The following AGK variants were observed in gnomAD, a reference collection of about 807,000 sequenced individuals.
AGK encodes the protein acylglycerol kinase, also known as acylglycerol kinase, mitochondrial.
In AGK, 52 loss-of-function variants were observed where a neutral mutation model predicts 66.4. The observed-to-expected ratio is 0.78, with a 90% CI of 0.63 to 0.99. The LOEUF is 0.99. Ranked by LOEUF, AGK falls within the 50% of genes least tolerant of loss-of-function variation. The pLI, the probability that AGK is intolerant of heterozygous loss-of-function variation, is 0.00. For synonymous variants in AGK, 182 were observed against 181.1 expected, an observed-to-expected ratio of 1.00 and a Z score of -0.04; for missense variants, 451 against 506.6, an observed-to-expected ratio of 0.89 and a Z score of 1.05.
intron 2 of AGK, among the ~76,000 whole-genome samples, chr7:141,574,785 A>G (rs1371986869): frequency 6.6e-6 from 1 of 152,236 alleles, no homozygotes; most frequent in Non-Finnish European, 1.5e-5. Flanking sequence ...CTGAGTGCAT[A>G]GAAGTGTAGA....
chr7:141,597,735 G>A (rs146503156), intron 4 of AGK, among the ~76,000 whole-genome samples: 234 of 151,310 alleles, frequency 1.5e-3, no homozygotes, highest in African/African-American at 5.5e-3. Context: ...CTGAAAAAAT[G>A]CAAAAATTAG....
intron 2 of AGK, among the ~76,000 whole-genome samples, chr7:141,564,033 T>C (rs1467665436): frequency 6.6e-6 from 1 of 152,176 alleles, no homozygotes; most frequent in African/African-American, 2.4e-5. Context: ...TGATCATAAC[T>C]CACTGCAGCC....
At chr7:141,632,239 A>G (rs964179271) in intron 9 of AGK, among the ~76,000 whole-genome samples, 1 of 150,926 alleles carries the variant, frequency 6.6e-6, no homozygotes, top group African/African-American at 2.4e-5. Context: ...CTAAAAAAAA[A>G]AAAAACAAAA....
rs201136028 is a variant in AGK at position 141,607,880 on chromosome 7, A to AT, written c.298-3307dup. Among the ~76,000 whole-genome samples the AT allele has an allele frequency of 9.8e-3, 1,481 of 151,494 alleles. 21 individuals are homozygous for AT. Among genetic ancestry groups the AT allele is most frequent in the African/African-American group, 0.035 (1,426 of 41,278 alleles). On this transcript the variant is annotated intron_variant, in intron 5 of 15. Coordinates refer to ENST00000649286, the MANE Select transcript of AGK (RefSeq NM_018238.4). ...TCCTTCCTCTTTTAGTGCATTTGGG[A>AT]TTTTTTTTCTAAGATCAGAGCCTCA... is the stretch of plus-strand genomic sequence containing the variant.
At chr7:141,559,115 G>A (rs1795281130) in intron 2 of AGK, among the ~76,000 whole-genome samples, 1 of 151,938 alleles carries the variant, frequency 6.6e-6, no homozygotes, top group Non-Finnish European at 1.5e-5. Flanking sequence ...ATTGTTTTTA[G>A]TTTCGTTAAG....
chr7:141,646,256 A>G (rs980053904), intron 13 of AGK, among the ~76,000 whole-genome samples: 1 of 152,178 alleles, frequency 6.6e-6, no homozygotes, highest in Admixed American at 6.5e-5. Context: ...TGACAGGTGC[A>G]TGCATGTGAG....
At position 141,611,055 on chromosome 7, in the gene AGK, T is replaced by A. The variant is rs1399150850; in HGVS notation, c.298-140T>A. 6 of 537,436 alleles carry A rather than the reference T, an allele frequency of 1.1e-5. No individual in the cohort carries two copies. In the African/African-American group the frequency reaches 1.2e-4, roughly 10 times the overall value. 33.3% of individuals were successfully genotyped at this position (537,436 alleles called of 1,614,324 possible). A position where few individuals can be genotyped will look rare whatever the true frequency, so the allele number is the denominator to read the frequency against. On this transcript the variant is annotated intron_variant, in intron 5 of 15. Transcript: ENST00000649286. ...CTATACATAATTGCTTTGATAGCTA[T>A]TTTTTTCATGTCTATCAGTTATGTA...
Position 141,648,858 on chromosome 7 carries a change from G to A in AGK, c.976-405G>A, listed in dbSNP as rs1021012341. Among the ~76,000 whole-genome samples the A allele has an allele frequency of 5.3e-5, 8 of 152,180 alleles. No homozygotes were observed. The South Asian group carries it at 6.2e-4, about 12-fold the overall frequency. On this transcript the variant is annotated intron_variant, in intron 13 of 15. Coordinates refer to ENST00000649286, the MANE Select transcript of AGK (RefSeq NM_018238.4). The stretch of plus-strand genomic sequence containing the variant: ...CTTGGGCTCTCCACACCAAGCAGCC[G>A]ATTCCATGCTGTCATGTGAAGCTCA...
chr7:141,644,585 A>G lies in AGK; in HGVS notation c.975+2677A>G, dbSNP rs540754458. Among the ~76,000 whole-genome samples, 3 of 152,316 alleles carry G rather than the reference A, an allele frequency of 2.0e-5. No homozygotes were observed. In the South Asian group the frequency reaches 6.2e-4, roughly 32 times the overall value. On this transcript the variant is annotated intron_variant, in intron 13 of 15. Transcript: ENST00000649286. Reference sequence around the variant, plus strand: ...CAACTATGCTCACTGTATAATAGTAAAATATTTGCAATGAACTAATCAGAC... The same window carrying G: ...CAACTATGCTCACTGTATAATAGTAGAATATTTGCAATGAACTAATCAGAC...
intron 9 of AGK, among the ~76,000 whole-genome samples, chr7:141,623,382 AAAAAAAAAAAG>A (rs1344197163): frequency 1.2e-4 from 18 of 150,296 alleles, no homozygotes; most frequent in African/African-American, 2.4e-4. Context: ...TTTTTCTCAA[AAAAAAAAAAAG>A]AAAAAAAAAA....
intron 14 of AGK, 149 bp downstream of exon 14, chr7:141,649,482 A>G: frequency 1.6e-6 from 1 of 635,698 alleles, no homozygotes; most frequent in South Asian, 2.0e-5. Context: ...ATGGGCTGAC[A>G]TGTAGAGTGC....
rs80156334 is a variant in AGK at position 141,590,930 on chromosome 7, G to T, written c.102-2216G>T. On this transcript the variant is annotated intron_variant, in intron 2 of 15. Transcript: ENST00000649286. ...CAACGCTCTTTGCCACCTGGGCACA[G>T]GGGAGCAGAGTCACTTAAGCCAATG... 1.2e-4 allele frequency among the ~76,000 whole-genome samples: 19 copies of T among 152,246 alleles called. No individual in the cohort carries two copies. The East Asian group carries it at 2.9e-3, about 23-fold the overall frequency.
intron 2 of AGK, among the ~76,000 whole-genome samples, chr7:141,578,419 A>G (rs1032986518): frequency 3.3e-5 from 5 of 152,054 alleles, no homozygotes; most frequent in African/African-American, 1.2e-4. Context: ...CCATCTGGAC[A>G]TATGTGTGCA....
chr7:141,611,926 G>C (rs1317899489), intron 6 of AGK, among the ~76,000 whole-genome samples: 1 of 152,098 alleles, frequency 6.6e-6, no homozygotes, highest in African/African-American at 2.4e-5. Context: ...GGAACAGCTG[G>C]GTGTTTTCTT....
At chr7:141,617,295 C>A (rs1796727881) in intron 8 of AGK, among the ~76,000 whole-genome samples, 1 of 152,128 alleles carries the variant, frequency 6.6e-6, no homozygotes. Context: ...AGTGTGGCAA[C>A]CCCCAGGGTC....
Position 141,641,907 on chromosome 7 carries a change from C to G in AGK, c.974C>G (p.Thr325Arg). The G allele has an allele frequency of 6.4e-7, 1 of 1,573,256 alleles. No individual in the cohort carries two copies. Among genetic ancestry groups the G allele is most frequent in the Non-Finnish European group, 8.6e-7 (1 of 1,157,898 alleles). Reference sequence around the variant, plus strand: ...ACACGGAATAATCAGCTTGACCCGACAGTAAGTGTGCTTTTTTATTAGAAA... The same window carrying G: ...ACACGGAATAATCAGCTTGACCCGAGAGTAAGTGTGCTTTTTTATTAGAAA... ...ITTRNNQLDP[T>R]SKEDFLNICI... The change falls in exon 13 of 16, where the codon ACA (threonine) becomes AGA (arginine). Residue 325 changes from threonine to arginine, a missense_variant and splice_region_variant. Transcript: ENST00000649286.
chr7:141,602,946 G>T (rs1231489099), intron 5 of AGK, among the ~76,000 whole-genome samples: 1 of 151,852 alleles, frequency 6.6e-6, no homozygotes, highest in African/African-American at 2.4e-5. Flanking sequence ...AAGTTTTTCT[G>T]ATTGTCTTTG....
At chr7:141,557,544 T>A (rs1191215229) in intron 2 of AGK, among the ~76,000 whole-genome samples, 1 of 152,230 alleles carries the variant, frequency 6.6e-6, no homozygotes, top group Non-Finnish European at 1.5e-5. Flanking sequence ...TTTGAGGAAC[T>A]GTGTACTCTG....
chr7:141,596,930 TA>T (rs1436091746), intron 4 of AGK: 2 of 329,972 alleles, frequency 6.1e-6, no homozygotes, highest in African/African-American at 4.3e-5. Flanking sequence ...GCGACTGCTG[TA>T]CTGCTAGGAC....
Sources: allele counts gnomAD v4.1 joint callset (sites outside exome capture counted in the v4.1 genomes callset), GRCh38; gene constraint gnomAD v4.1.1; transcripts MANE v1.5; gene names NCBI Gene and HGNC (gene_info 2026-07-23, HGNC 2026-07-21).